The following VAV3 variants were observed in gnomAD, a reference collection of about 807,000 sequenced individuals.
The protein encoded by VAV3 is vav guanine nucleotide exchange factor 3.
VAV3 carries 94 observed loss-of-function variants against 131.2 expected under a neutral mutation model. The ratio of observed to expected loss-of-function variants is 0.72; its 90% confidence interval spans 0.61 to 0.85. The LOEUF (loss-of-function observed/expected upper bound fraction) is 0.85. VAV3 is among the 40% of genes least tolerant of loss of function. The pLI is 0.00. For synonymous variants in VAV3, 349 were observed against 342.0 expected (o/e 1.02, Z -0.22); for missense variants, 939 against 1,002.7 (o/e 0.94, Z 0.86).
chr1:107,766,347 T>G, intron 8 of VAV3, 100 bp downstream of exon 8: 1 of 729,050 alleles, frequency 1.4e-6, no homozygotes, highest in Non-Finnish European at 2.3e-6. Flanking sequence ...CAGGTAGTAA[T>G]GTAATAAACA....
At chr1:107,753,594 C>G (rs1042291981) in intron 12 of VAV3, among the ~76,000 whole-genome samples, 1 of 147,048 alleles carries the variant, frequency 6.8e-6, no homozygotes, top group African/African-American at 2.5e-5. Flanking sequence ...GAGTCTCGCT[C>G]TGTTGCCTAG....
At chr1:107,649,592 TAAA>T (rs1656007148) in intron 19 of VAV3, among the ~76,000 whole-genome samples, 2 of 151,922 alleles carry the variant, frequency 1.3e-5, no homozygotes, top group Admixed American at 6.6e-5. Context: ...CCTCCTACCA[TAAA>T]CACCCAGCTC....
At position 107,814,140 on chromosome 1, in the gene VAV3, CT is replaced by C. The variant is rs1290866120; in HGVS notation, c.322-34649del. On this transcript the variant is annotated intron_variant, in intron 2 of 26. Transcript: ENST00000370056. ...GGGGTGCAGGTATTCCTTTGATATA[CT>C]TTTTTTCTTTCCTTTGAATAAATAC... Among the ~76,000 whole-genome samples, 4 of 152,014 alleles carry C rather than the reference CT, an allele frequency of 2.6e-5. No individual in the cohort carries two copies. In the East Asian group the frequency reaches 5.8e-4, roughly 22 times the overall value.
chr1:107,598,964 C>T lies in VAV3; in HGVS notation c.2221-2623G>A, dbSNP rs147048640. On this transcript the variant is annotated intron_variant, in intron 24 of 26. Coordinates refer to ENST00000370056, the MANE Select transcript of VAV3 (RefSeq NM_006113.5). The stretch of plus-strand genomic sequence containing the variant: ...TATAAGCCATAGCTTTGAACTTCAA[C>T]GTAATTTTGTTATAGGTAATATGAA... Among the ~76,000 whole-genome samples, 1,060 of 152,066 alleles carry T rather than the reference C, an allele frequency of 7.0e-3. 4 individuals are homozygous for T. Among genetic ancestry groups the T allele is most frequent in the Non-Finnish European group, 0.011 (766 of 67,994 alleles).
At chr1:107,964,610 G>T (rs1675327704) in intron 1 of VAV3, 56 bp downstream of exon 1, 29 of 1,563,166 alleles carry the variant, frequency 1.9e-5, no homozygotes, top group Non-Finnish European at 2.4e-5. Flanking sequence ...GAAATTAGCC[G>T]CATGATTAAT....
chr1:107,619,650 G>A (rs1318634619), intron 20 of VAV3, among the ~76,000 whole-genome samples: 19 of 152,096 alleles, frequency 1.2e-4, no homozygotes, highest in Admixed American at 1.2e-3. Flanking sequence ...TCTATTTTGC[G>A]AGGAAAGGCC....
At chr1:107,856,895 G>A (rs370371925) in intron 2 of VAV3, among the ~76,000 whole-genome samples, 3 of 152,024 alleles carry the variant, frequency 2.0e-5, no homozygotes, top group Admixed American at 6.6e-5. Context: ...AAATTAGCTG[G>A]GTGTGGTGTT....
At chr1:107,600,023 C>T (rs564081513) in intron 24 of VAV3, among the ~76,000 whole-genome samples, 5 of 151,978 alleles carry the variant, frequency 3.3e-5, no homozygotes, top group Non-Finnish European at 7.4e-5. Context: ...GTTCAGGTTG[C>T]TAAAACATGA....
At chr1:107,741,431 C>T (rs1008686114) in intron 15 of VAV3, among the ~76,000 whole-genome samples, 2 of 152,130 alleles carry the variant, frequency 1.3e-5, no homozygotes, top group African/African-American at 4.8e-5. Context: ...TGGTCCTCTG[C>T]AGGGAGCAGT....
intron 22 of VAV3, among the ~76,000 whole-genome samples, chr1:107,605,647 T>A (rs1262878661): frequency 6.6e-6 from 1 of 152,216 alleles, no homozygotes. Context: ...TCAGCATGTT[T>A]CCACTAAAAT....
intron 20 of VAV3, among the ~76,000 whole-genome samples, chr1:107,619,072 G>A (rs904881555): frequency 6.6e-6 from 1 of 152,168 alleles, no homozygotes; most frequent in Admixed American, 6.6e-5. Context: ...TAAGTCTGCT[G>A]AACTGGCCAG....
At chr1:107,762,993 T>C (rs922435340) in intron 9 of VAV3, among the ~76,000 whole-genome samples, 2 of 152,112 alleles carry the variant, frequency 1.3e-5, no homozygotes, top group Non-Finnish European at 2.9e-5. Flanking sequence ...TTATCTTGGT[T>C]CCAAAGTAGA....
At chr1:107,715,264 G>A (rs546635287) in intron 15 of VAV3, among the ~76,000 whole-genome samples, 1 of 152,174 alleles carries the variant, frequency 6.6e-6, no homozygotes, top group Non-Finnish European at 1.5e-5. Context: ...ACATATATGT[G>A]TGCATTTTAA....
Position 107,683,493 on chromosome 1 carries a change from T to TCCA in VAV3, c.1769_1771dup (p.Val590dup). The stretch of plus-strand genomic sequence containing the variant: ...AGGTTTAATCAGAAACACACCTGGA[T>TCCA]CCACCTGTTTAGGAGTTCTTCGCAG... On this transcript the variant is annotated inframe_insertion, in exon 19 of 27. Transcript: ENST00000370056. The TCCA allele has an allele frequency of 6.2e-7, 1 of 1,614,054 alleles. No homozygotes were observed. The highest frequency in any genetic ancestry group is 8.5e-7 in the Non-Finnish European group (1 of 1,179,920).
At chr1:107,584,388 A>G (rs1650326847) in intron 25 of VAV3, among the ~76,000 whole-genome samples, 1 of 152,228 alleles carries the variant, frequency 6.6e-6, no homozygotes, top group Non-Finnish European at 1.5e-5. Context: ...AATGGCAACA[A>G]AAGCCAAAAT....
At chr1:107,589,140 A>C (rs1650738340) in intron 25 of VAV3, among the ~76,000 whole-genome samples, 1 of 152,188 alleles carries the variant, frequency 6.6e-6, no homozygotes, top group African/African-American at 2.4e-5. Flanking sequence ...AGGATGGAAA[A>C]TTTTAGAGAA....
intron 15 of VAV3, among the ~76,000 whole-genome samples, chr1:107,712,601 C>T (rs1203908671): frequency 1.3e-5 from 2 of 151,890 alleles, no homozygotes; most frequent in Non-Finnish European, 2.9e-5. Flanking sequence ...TGAAGGGGAC[C>T]GAATATGTGC....
At chr1:107,797,028 TAGC>T (rs1666583665) in intron 2 of VAV3, among the ~76,000 whole-genome samples, 2 of 152,132 alleles carry the variant, frequency 1.3e-5, no homozygotes, top group Admixed American at 1.3e-4. Context: ...CAAAATAAGA[TAGC>T]AGTCCTCAAA....
chr1:107,791,945 G>T (rs971098432), intron 2 of VAV3, among the ~76,000 whole-genome samples: 1 of 152,190 alleles, frequency 6.6e-6, no homozygotes, highest in Non-Finnish European at 1.5e-5. Flanking sequence ...GCAGGTAAAT[G>T]ACAACCTACA....
Sources: allele counts gnomAD v4.1 joint callset (sites outside exome capture counted in the v4.1 genomes callset), GRCh38; gene constraint gnomAD v4.1.1; transcripts MANE v1.5; gene names NCBI Gene and HGNC (gene_info 2026-07-23, HGNC 2026-07-21).